RARS2: variants seen among roughly 807,000 people sequenced by gnomAD.
The protein encoded by RARS2 is probable arginine--tRNA ligase, mitochondrial.
RARS2 carries 67 observed loss-of-function variants against 88.5 expected under a neutral mutation model. The ratio of observed to expected loss-of-function variants is 0.76; its 90% CI spans 0.62 to 0.93. RARS2 has a LOEUF of 0.93. Ranked by LOEUF, RARS2 falls within the 40% of genes least tolerant of loss-of-function variation. The probability of loss-of-function intolerance (pLI) is 0.00; values close to 1 mark genes in which losing one functional copy is unlikely to be tolerated. For synonymous variants in RARS2, 239 were observed against 230.3 expected, an observed-to-expected ratio of 1.04 and a Z score of -0.34; for missense variants, 664 against 684.2, an observed-to-expected ratio of 0.97 and a Z score of 0.33.
intron 1 of RARS2, among the ~76,000 whole-genome samples, chr6:87,575,276 C>T: frequency 6.9e-6 from 1 of 145,030 alleles, no homozygotes; most frequent in South Asian, 2.2e-4. Context: ...CACACACACA[C>T]ACCTTGGCTT....
intron 5 of RARS2, among the ~76,000 whole-genome samples, chr6:87,555,098 C>T (rs1582640560): frequency 1.3e-5 from 1 of 76,616 alleles, no homozygotes; most frequent in African/African-American, 4.2e-5. Flanking sequence ...GACTCCGTCT[C>T]AAAAATAAAT....
At chr6:87,562,955 G>C (rs1381822075) in intron 3 of RARS2, among the ~76,000 whole-genome samples, 170 bp from the exon 4 acceptor site, 3 of 152,150 alleles carry the variant, frequency 2.0e-5, no homozygotes, top group Non-Finnish European at 4.4e-5. Context: ...TTCTATTTAA[G>C]TAAACACATT....
chr6:87,517,448 A>G (rs1772178145), intron 17 of RARS2, among the ~76,000 whole-genome samples: 1 of 152,216 alleles, frequency 6.6e-6, no homozygotes, highest in South Asian at 2.1e-4. Context: ...GAATGTAAAA[A>G]GCCTCCAGCC....
At chr6:87,572,335 T>C (rs946403804) in intron 1 of RARS2, among the ~76,000 whole-genome samples, 2 of 152,204 alleles carry the variant, frequency 1.3e-5, no homozygotes, top group Non-Finnish European at 1.5e-5. Flanking sequence ...TTTGGACACA[T>C]CTTCCAAACT....
Position 87,521,498 on chromosome 6 carries a change from A to T in RARS2, c.1001T>A (p.Met334Lys), listed in dbSNP as rs1238282739. ...TRDLAAAIDR[M>K]DKYNFDTMIY... ...CATTGTATCAAAATTATACTTGTCCATTCGATCTATAGCAGCTGCAAGATC... is the reference window on the plus strand; with the variant it reads ...CATTGTATCAAAATTATACTTGTCCTTTCGATCTATAGCAGCTGCAAGATC... The change falls in exon 12 of 20, where the codon ATG (methionine) becomes AAG (lysine). Residue 334 changes from methionine to lysine, a missense_variant. Met to Lys is a moderately conservative substitution (Grantham distance 95). Coordinates refer to ENST00000369536, the MANE Select transcript of RARS2 (RefSeq NM_020320.5). 40 of 1,612,230 alleles carry T rather than the reference A, an allele frequency of 2.5e-5. No homozygotes were observed. The highest frequency in any genetic ancestry group is 3.2e-5 in the Non-Finnish European group (38 of 1,178,680).
intron 5 of RARS2, among the ~76,000 whole-genome samples, chr6:87,555,100 AAAATAAATAAATAAATAAAT>A (rs71018037): frequency 1.4e-4 from 20 of 139,556 alleles, no homozygotes; most frequent in African/African-American, 3.4e-4. Context: ...CTCCGTCTCA[AAAATAAATAAATAAATAAAT>A]AAATAAATAA....
intron 4 of RARS2, among the ~76,000 whole-genome samples, chr6:87,557,124 TACA>T (rs1001792100): frequency 3.9e-5 from 6 of 152,156 alleles, no homozygotes; most frequent in African/African-American, 1.4e-4. Flanking sequence ...CAAGTGCTCC[TACA>T]GTACCCGTTG....
Position 87,521,448 on chromosome 6 carries a change from T to C in RARS2, c.1035+16A>G. On this transcript the variant is annotated intron_variant, in intron 12 of 19. Transcript: ENST00000369536. ...CATGAGTTAAGAGATCATAACTTTT[T>C]GTTCTGATTACTTACCACATATATC... 6.4e-7 allele frequency: 1 copy of C among 1,564,946 alleles called. No individual in the cohort carries two copies. Among genetic ancestry groups the C allele is most frequent in the Non-Finnish European group, 8.8e-7 (1 of 1,136,040 alleles).
At chr6:87,515,428 G>A (rs1274753200) in intron 18 of RARS2, among the ~76,000 whole-genome samples, 1 of 151,944 alleles carries the variant, frequency 6.6e-6, no homozygotes, top group African/African-American at 2.4e-5. Flanking sequence ...GCTGAGGCAG[G>A]AGAATGGCGT....
Position 87,514,517 on chromosome 6 carries a change from G to C in RARS2, c.1651-18C>G. 1 of 1,568,314 alleles carries C rather than the reference G, an allele frequency of 6.4e-7. No individual in the cohort carries two copies. The highest frequency in any genetic ancestry group is 1.1e-5 in the South Asian group (1 of 90,106). On this transcript the variant is annotated intron_variant, in intron 19 of 19. Transcript: ENST00000369536. ...AGTCTGGCCTACAAAATAAATCAAA[G>C]AATGATTTAAAATATTCAGTAACAG... is the stretch of plus-strand genomic sequence containing the variant.
At chr6:87,584,271 T>C (rs1327977636) in intron 1 of RARS2, among the ~76,000 whole-genome samples, 1 of 152,216 alleles carries the variant, frequency 6.6e-6, no homozygotes, top group African/African-American at 2.4e-5. Flanking sequence ...TTGCTATGAA[T>C]AGTAAAATCC....
At chr6:87,572,916 G>T (rs953122659) in intron 1 of RARS2, among the ~76,000 whole-genome samples, 1 of 151,816 alleles carries the variant, frequency 6.6e-6, no homozygotes, top group Non-Finnish European at 1.5e-5. Flanking sequence ...TAGTAATACA[G>T]GGTAAACATA....
intron 5 of RARS2, among the ~76,000 whole-genome samples, chr6:87,549,174 G>A (rs933888245): frequency 3.9e-5 from 6 of 151,938 alleles, no homozygotes; most frequent in Non-Finnish European, 8.8e-5. Context: ...GGCCAACATG[G>A]TGAAACCCTG....
At chr6:87,518,941 T>C (rs201596237) in intron 14 of RARS2, 50 bp from the exon 15 acceptor site, 169 of 1,570,638 alleles carry the variant, frequency 1.1e-4, no homozygotes, top group Non-Finnish European at 2.6e-5. Flanking sequence ...ACTGTGCCAA[T>C]CATGGATCCA....
intron 6 of RARS2, among the ~76,000 whole-genome samples, chr6:87,548,306 A>T (rs1319696706): frequency 6.6e-6 from 1 of 152,210 alleles, no homozygotes; most frequent in East Asian, 1.9e-4. Flanking sequence ...TGCATCTTTC[A>T]GGTCTTCCCC....
chr6:87,542,313 C>A (rs1043433760), intron 7 of RARS2, among the ~76,000 whole-genome samples: 1 of 152,118 alleles, frequency 6.6e-6, no homozygotes, highest in African/African-American at 2.4e-5. Flanking sequence ...CCCTAGCAGA[C>A]ATTAAAAAAT....
At position 87,514,037 on chromosome 6, in the gene RARS2, C is replaced by T. The variant is rs373192801; in HGVS notation, c.*376G>A. ...GAATAATAGTTTAACTTTGGCTGGG[C>T]GTGGTGGTTCATGCCTCTAATCCCA... On this transcript the variant is annotated 3_prime_UTR_variant, in exon 20 of 20. Coordinates refer to ENST00000369536, the MANE Select transcript of RARS2 (RefSeq NM_020320.5). 3.3e-5 allele frequency among the ~76,000 whole-genome samples: 5 copies of T among 152,284 alleles called. No homozygotes were observed. In the South Asian group the frequency reaches 1.0e-3, roughly 32 times the overall value.
At chr6:87,568,369 G>A (rs1326145984) in intron 2 of RARS2, among the ~76,000 whole-genome samples, 4 of 152,130 alleles carry the variant, frequency 2.6e-5, no homozygotes, top group Non-Finnish European at 5.9e-5. Context: ...GCATAGTGGC[G>A]TGAGCCTGTA....
intron 17 of RARS2, among the ~76,000 whole-genome samples, chr6:87,517,440 A>T (rs1354987913): frequency 6.6e-6 from 1 of 152,232 alleles, no homozygotes; most frequent in African/African-American, 2.4e-5. Flanking sequence ...TGGCTGGTGA[A>T]TGTAAAAAGC....
Sources: gnomAD v4.1 joint callset for allele counts (sites outside exome capture counted in the v4.1 genomes callset) on GRCh38, gnomAD v4.1.1 for gene constraint, MANE v1.5 for transcripts, NCBI Gene and HGNC (gene_info 2026-07-23, HGNC 2026-07-21) for gene names.